Variants in PRKG1 observed in about 807,000 individuals in gnomAD.
PRKG1 encodes protein kinase cGMP-dependent 1.
In PRKG1, 35 loss-of-function variants were observed where a neutral mutation model predicts 88.1. The ratio of observed to expected loss-of-function variants is 0.40; its 90% CI spans 0.30 to 0.53. PRKG1 has a LOEUF of 0.53. Ranked by LOEUF, PRKG1 falls within the 20% of genes least tolerant of loss-of-function variation. PRKG1 has a pLI of 0.59. For synonymous variants in PRKG1, 303 were observed against 292.5 expected (o/e 1.04, Z -0.37); for missense variants, 540 against 839.8 (o/e 0.64, Z 4.41).
intron 3 of PRKG1, among the ~76,000 whole-genome samples, chr10:51,660,104 C>A (rs1589168770): frequency 7.1e-6 from 1 of 140,628 alleles, no homozygotes; most frequent in African/African-American, 2.6e-5. Context: ...CAAAGAAATT[C>A]TCAAAGAAGG....
chr10:52,054,470 T>C lies in PRKG1; in HGVS notation c.763-14T>C, dbSNP rs748623625. The C allele has an allele frequency of 1.9e-6, 3 of 1,607,348 alleles. No individual in the cohort carries two copies. The highest frequency in any genetic ancestry group is 1.7e-6 in the Non-Finnish European group (2 of 1,174,590). On this transcript the variant is annotated splice_polypyrimidine_tract_variant and intron_variant, in intron 5 of 17. Transcript: ENST00000373980. ...GCTTGCTTAATTTTTTTTCTTATTGTTTCTACTTTTCAGACCCACTATGAA... is the reference window on the plus strand; with the variant it reads ...GCTTGCTTAATTTTTTTTCTTATTGCTTCTACTTTTCAGACCCACTATGAA...
At chr10:51,908,621 A>G (rs1842137196) in intron 5 of PRKG1, 2 of 152,046 alleles carry the variant, frequency 1.3e-5, no homozygotes, top group African/African-American at 2.4e-5. Flanking sequence ...AGCTGCTACA[A>G]TAATCCAGGG....
intron 3 of PRKG1, among the ~76,000 whole-genome samples, chr10:51,469,425 T>C (rs868763437): frequency 2.6e-5 from 4 of 151,870 alleles, no homozygotes; most frequent in South Asian, 2.1e-4. Context: ...GTTAATCTTA[T>C]GAAACATGGA....
intron 9 of PRKG1, among the ~76,000 whole-genome samples, chr10:52,207,852 T>G (rs1839861279): frequency 6.6e-6 from 1 of 152,064 alleles, no homozygotes; most frequent in Non-Finnish European, 1.5e-5. Flanking sequence ...GCATCCTCCC[T>G]TCTCCACTCT....
At chr10:51,702,857 C>T (rs927458655) in intron 3 of PRKG1, among the ~76,000 whole-genome samples, 2 of 152,020 alleles carry the variant, frequency 1.3e-5, no homozygotes, top group African/African-American at 4.8e-5. Context: ...CTACTCATGG[C>T]TAATTTTTTG....
chr10:51,051,540 A>G (rs1398875156), intron 1 of PRKG1, among the ~76,000 whole-genome samples: 1 of 152,018 alleles, frequency 6.6e-6, no homozygotes, highest in Non-Finnish European at 1.5e-5. Flanking sequence ...CGTCATTCAG[A>G]AATCTTTTTT....
At chr10:51,756,298 G>A (rs536488979) in intron 3 of PRKG1, among the ~76,000 whole-genome samples, 2 of 152,160 alleles carry the variant, frequency 1.3e-5, no homozygotes, top group South Asian at 2.1e-4. Context: ...ACCAGCCTGG[G>A]AAATATAGTG....
At chr10:51,558,159 T>C (rs550046810) in intron 3 of PRKG1, among the ~76,000 whole-genome samples, 1 of 152,216 alleles carries the variant, frequency 6.6e-6, no homozygotes, top group African/African-American at 2.4e-5. Context: ...TATTCACAGA[T>C]ATTAAATTTA....
intron 2 of PRKG1, among the ~76,000 whole-genome samples, chr10:51,267,343 A>G (rs1839862148): frequency 6.6e-6 from 1 of 152,306 alleles, no homozygotes; most frequent in South Asian, 2.1e-4. Context: ...TCTTATGCCA[A>G]TTATTATTCT....
At chr10:51,280,560 T>A (rs1564426872) in intron 2 of PRKG1, among the ~76,000 whole-genome samples, 1 of 152,228 alleles carries the variant, frequency 6.6e-6, no homozygotes, top group African/African-American at 2.4e-5. Context: ...TTGGAGGCTT[T>A]GTTCATTTCT....
At chr10:52,197,968 G>T (rs940131600) in intron 9 of PRKG1, among the ~76,000 whole-genome samples, 3 of 152,114 alleles carry the variant, frequency 2.0e-5, no homozygotes, top group Admixed American at 6.5e-5. Flanking sequence ...ACAGAGGAAT[G>T]TCTCAGAGCT....
intron 4 of PRKG1, among the ~76,000 whole-genome samples, chr10:51,853,267 A>T (rs1163486223): frequency 2.0e-5 from 3 of 152,178 alleles, no homozygotes; most frequent in Non-Finnish European, 4.4e-5. Flanking sequence ...AAACTATTCT[A>T]AGTTGTGTAC....
chr10:51,460,978 T>A (rs1368491284), intron 2 of PRKG1, among the ~76,000 whole-genome samples: 1 of 152,184 alleles, frequency 6.6e-6, no homozygotes, highest in Non-Finnish European at 1.5e-5. Flanking sequence ...GAAGTTGAGA[T>A]ACCTTGATAA....
rs562041558 is a variant in PRKG1 at position 51,012,433 on chromosome 10, T to C, written c.266+20789T>C. Reference sequence around the variant, plus strand: ...ACTTCTATCCCCTCTACAAGCATCATATTAAGTAGTCATTACCTCTGTAAT... The same window carrying C: ...ACTTCTATCCCCTCTACAAGCATCACATTAAGTAGTCATTACCTCTGTAAT... On this transcript the variant is annotated intron_variant, in intron 1 of 17. Coordinates refer to the PRKG1 transcript ENST00000401604. Among the ~76,000 whole-genome samples, 4 of 152,348 alleles carry C rather than the reference T, an allele frequency of 2.6e-5. No individual in the cohort carries two copies. The East Asian group carries it at 5.8e-4, about 22-fold the overall frequency.
At chr10:51,685,420 C>T (rs1429813633) in intron 3 of PRKG1, among the ~76,000 whole-genome samples, 2 of 152,148 alleles carry the variant, frequency 1.3e-5, no homozygotes, top group African/African-American at 4.8e-5. Flanking sequence ...GGACATAGAA[C>T]TCATAAGTGG....
chr10:51,681,812 T>G (rs1840857491), intron 3 of PRKG1, among the ~76,000 whole-genome samples: 1 of 152,200 alleles, frequency 6.6e-6, no homozygotes, highest in Non-Finnish European at 1.5e-5. Context: ...GATGCATTTA[T>G]TCTGAAATGT....
chr10:51,947,021 G>A (rs1386327338), intron 5 of PRKG1, among the ~76,000 whole-genome samples: 1 of 152,092 alleles, frequency 6.6e-6, no homozygotes, highest in Non-Finnish European at 1.5e-5. Flanking sequence ...TAAGTCTACA[G>A]AGGTTACTGC....
intron 2 of PRKG1, among the ~76,000 whole-genome samples, chr10:51,355,618 T>C (rs1189309): frequency 0.85 from 129,613 of 152,000 alleles, 55,790 homozygotes; most frequent in East Asian, 0.98. Flanking sequence ...GTTTGACAGG[T>C]CCTCCCTACC....
rs1842339222 is a variant in PRKG1 at position 52,294,501 on chromosome 10, A to G, written c.*601A>G. 6.6e-6 allele frequency: 1 copy of G among 152,578 alleles called. No homozygotes were observed. The highest frequency in any genetic ancestry group is 1.5e-5 in the Non-Finnish European group (1 of 68,028). 9.5% of individuals were successfully genotyped at this position (152,578 alleles called of 1,614,324 possible). On this transcript the variant is annotated 3_prime_UTR_variant, in exon 18 of 18. Coordinates refer to ENST00000373980, the MANE Select transcript of PRKG1 (RefSeq NM_006258.4). ...GACTGAATGTTACCTTTTCTTTCTG[A>G]CAGATTTTAAAAATTGATATGATAA... is the stretch of plus-strand genomic sequence containing the variant.
Sources: allele counts gnomAD v4.1 joint callset (sites outside exome capture counted in the v4.1 genomes callset), GRCh38; gene constraint gnomAD v4.1.1; transcripts MANE v1.5; gene names NCBI Gene and HGNC (gene_info 2026-07-23, HGNC 2026-07-21).